NEGR1: variants seen among roughly 807,000 people sequenced by gnomAD.
NEGR1 encodes the protein IgLON family member 4.
NEGR1 carries 10 observed loss-of-function variants against 40.9 expected under a neutral mutation model. The ratio of observed to expected loss-of-function variants is 0.24; its 90% CI spans 0.15 to 0.42. The LOEUF (loss-of-function observed/expected upper bound fraction) is 0.42, where lower values mean the gene tolerates loss of function less well. Ranked by LOEUF, NEGR1 falls within the 10% of genes least tolerant of loss-of-function variation. The pLI is 1.00. For synonymous variants in NEGR1, 185 were observed against 166.8 expected, an observed-to-expected ratio of 1.11 and a Z score of -0.84; for missense variants, 352 against 438.9, an observed-to-expected ratio of 0.80 and a Z score of 1.77.
chr1:71,694,305 C>A (rs539781330), intron 4 of NEGR1, among the ~76,000 whole-genome samples: 6 of 151,200 alleles, frequency 4.0e-5, no homozygotes, highest in Non-Finnish European at 8.9e-5. Flanking sequence ...ATTTTCATGA[C>A]CCCTTTTCAT....
chr1:72,245,338 G>T (rs1443925750), intron 1 of NEGR1, among the ~76,000 whole-genome samples: 1 of 151,994 alleles, frequency 6.6e-6, no homozygotes, highest in Non-Finnish European at 1.5e-5. Flanking sequence ...ATCAATTAAA[G>T]AAATGTATAG....
chr1:72,187,099 CT>C (rs1487246110), intron 1 of NEGR1, among the ~76,000 whole-genome samples: 1 of 151,434 alleles, frequency 6.6e-6, no homozygotes, highest in East Asian at 1.9e-4. Flanking sequence ...GTACTTTCTC[CT>C]TTTATCAGAG....
In NEGR1 at chr1:72,015,835, C is replaced by A. The variant is rs556934354; in HGVS notation, c.177-80524G>T. ...CATGGCCTGGTTTTGGGTCTGGCCA[C>A]CCCAACACTAGTAGCTCTTAAGTCC... On this transcript the variant is annotated intron_variant, in intron 1 of 6. Transcript: ENST00000357731. 2.6e-5 allele frequency among the ~76,000 whole-genome samples: 4 copies of A among 152,106 alleles called. No homozygotes were observed. The East Asian group carries it at 7.7e-4, about 29-fold the overall frequency.
chr1:71,612,132 G>C (rs1650282242), intron 4 of NEGR1, among the ~76,000 whole-genome samples: 1 of 152,222 alleles, frequency 6.6e-6, no homozygotes, highest in Non-Finnish European at 1.5e-5. Context: ...TGAGGCAGGA[G>C]AATGGCGTGA....
intron 3 of NEGR1, among the ~76,000 whole-genome samples, chr1:71,699,620 G>A (rs1653613897): frequency 6.6e-6 from 1 of 151,696 alleles, no homozygotes; most frequent in South Asian, 2.1e-4. Flanking sequence ...GAGTAAGGAT[G>A]GTATTAAATA....
At chr1:71,472,634 T>C (rs1227705608) in intron 6 of NEGR1, 1 of 152,088 alleles carries the variant, frequency 6.6e-6, no homozygotes, top group African/African-American at 2.4e-5. Context: ...TCCATTTGTT[T>C]AGAAAAGGTG....
intron 1 of NEGR1, among the ~76,000 whole-genome samples, chr1:72,205,234 A>G (rs1297544791): frequency 6.6e-6 from 1 of 151,736 alleles, no homozygotes; most frequent in East Asian, 1.9e-4. Context: ...ACTTCCTGTT[A>G]CTCCTCCATT....
chr1:71,990,611 T>A (rs1316162878), intron 1 of NEGR1, among the ~76,000 whole-genome samples: 1 of 152,116 alleles, frequency 6.6e-6, no homozygotes, highest in Non-Finnish European at 1.5e-5. Context: ...TTTCCATCAT[T>A]TACTCCTGGT....
At chr1:71,934,092 A>C (rs1645880866) in intron 2 of NEGR1, among the ~76,000 whole-genome samples, 1 of 152,100 alleles carries the variant, frequency 6.6e-6, no homozygotes, top group South Asian at 2.1e-4. Context: ...CTCTGGCACC[A>C]CATTATCACA....
At position 71,866,210 on chromosome 1, in the gene NEGR1, T is replaced by A. The variant is rs149245183; in HGVS notation, c.409+68869A>T. ...GGTTACAAAAAAACTACTTGAATAATTTAAAAATCTCTAATTGAATAATTA... is the reference window on the plus strand; with the variant it reads ...GGTTACAAAAAAACTACTTGAATAAATTAAAAATCTCTAATTGAATAATTA... On this transcript the variant is annotated intron_variant, in intron 2 of 6. Coordinates refer to ENST00000357731, the MANE Select transcript of NEGR1 (RefSeq NM_173808.3). Among the ~76,000 whole-genome samples, 178 of 152,204 alleles carry A rather than the reference T, an allele frequency of 1.2e-3. No individual in the cohort carries two copies. The East Asian group carries it at 0.025, about 21-fold the overall frequency.
chr1:71,625,304 A>C (rs549108167), intron 4 of NEGR1, among the ~76,000 whole-genome samples: 4 of 151,972 alleles, frequency 2.6e-5, no homozygotes, highest in Non-Finnish European at 4.4e-5. Context: ...ACACACACAC[A>C]CACACACACA....
chr1:71,812,526 C>T (rs1462457042), intron 2 of NEGR1, among the ~76,000 whole-genome samples: 1 of 152,068 alleles, frequency 6.6e-6, no homozygotes, highest in Non-Finnish European at 1.5e-5. Context: ...AGTGTAAAAG[C>T]ATTCCTATTT....
chr1:72,035,938 T>C (rs957826161), intron 1 of NEGR1, among the ~76,000 whole-genome samples: 2 of 152,204 alleles, frequency 1.3e-5, no homozygotes, highest in African/African-American at 4.8e-5. Context: ...GTTCTTCCCA[T>C]ATCTCACTCG....
At chr1:72,244,546 A>G (rs1372934565) in intron 1 of NEGR1, among the ~76,000 whole-genome samples, 2 of 151,918 alleles carry the variant, frequency 1.3e-5, no homozygotes, top group African/African-American at 4.8e-5. Flanking sequence ...TCGTATTACC[A>G]AGACTCCCAT....
chr1:72,232,666 T>C (rs902746857), intron 1 of NEGR1, among the ~76,000 whole-genome samples: 3 of 152,152 alleles, frequency 2.0e-5, no homozygotes, highest in Non-Finnish European at 2.9e-5. Flanking sequence ...TTTTCACTTT[T>C]ATCAAGTGTT....
At chr1:72,102,589 G>A (rs1648988289) in intron 1 of NEGR1, among the ~76,000 whole-genome samples, 1 of 152,012 alleles carries the variant, frequency 6.6e-6, no homozygotes, top group Non-Finnish European at 1.5e-5. Context: ...GCTAATGATG[G>A]TGTAACTGAA....
chr1:71,465,875 A>G (rs1429428487), intron 6 of NEGR1, among the ~76,000 whole-genome samples: 1 of 152,106 alleles, frequency 6.6e-6, no homozygotes, highest in East Asian at 1.9e-4. Flanking sequence ...ATCTTGGTTC[A>G]TATGACAAAT....
chr1:71,839,645 T>C (rs1348858320), intron 2 of NEGR1, among the ~76,000 whole-genome samples: 2 of 152,128 alleles, frequency 1.3e-5, no homozygotes, highest in Non-Finnish European at 2.9e-5. Flanking sequence ...GGAATATAAT[T>C]TTGATTGTGA....
At chr1:71,923,393 A>C (rs74995447) in intron 2 of NEGR1, among the ~76,000 whole-genome samples, 18,356 of 151,938 alleles carry the variant, frequency 0.12, 1,164 homozygotes, top group South Asian at 0.18. Context: ...TCTCACACAC[A>C]CACACACACT....
Sources: allele counts gnomAD v4.1 joint callset (sites outside exome capture counted in the v4.1 genomes callset), GRCh38; gene constraint gnomAD v4.1.1; transcripts MANE v1.5; gene names NCBI Gene and HGNC (gene_info 2026-07-23, HGNC 2026-07-21).